The following TTC6 variants were observed in gnomAD, a reference collection of about 807,000 sequenced individuals.
TTC6 encodes the protein tetratricopeptide repeat protein 6.
A neutral mutation model predicts 210.4 loss-of-function variants in TTC6; 172 were observed. The ratio of observed to expected loss-of-function variants is 0.82; its 90% confidence interval spans 0.72 to 0.93. The LOEUF (loss-of-function observed/expected upper bound fraction) is 0.93. TTC6 is among the 40% of genes least tolerant of loss of function. The probability of loss-of-function intolerance (pLI) is 0.00; values close to 1 mark genes in which losing one functional copy is unlikely to be tolerated. For synonymous variants in TTC6, 804 were observed against 819.6 expected (o/e 0.98, Z 0.32); for missense variants, 2,414 against 2,318.1 (o/e 1.04, Z -0.85).
At chr14:37,702,721 C>A (rs1361885207) in intron 5 of TTC6, among the ~76,000 whole-genome samples, 1 of 151,988 alleles carries the variant, frequency 6.6e-6, no homozygotes. Flanking sequence ...TTATTAGTAC[C>A]CATACTTTTC....
chr14:37,614,393 T>C (rs2095639251), intron 2 of TTC6, among the ~76,000 whole-genome samples: 1 of 152,204 alleles, frequency 6.6e-6, no homozygotes, highest in Admixed American at 6.5e-5. Flanking sequence ...CCAGTCTTTT[T>C]GGTTCTGGTT....
chr14:37,705,021 C>G (rs920681409), intron 5 of TTC6, among the ~76,000 whole-genome samples: 1 of 152,022 alleles, frequency 6.6e-6, no homozygotes, highest in Non-Finnish European at 1.5e-5. Flanking sequence ...ACTGATTTGT[C>G]TATCTAAAAC....
intron 7 of TTC6, among the ~76,000 whole-genome samples, chr14:37,726,891 A>G (rs1250319188): frequency 6.6e-6 from 1 of 152,078 alleles, no homozygotes; most frequent in Non-Finnish European, 1.5e-5. Context: ...CAGTTTTAAT[A>G]TTCCTTTCTA....
At chr14:37,732,640 A>G (rs2095890236) in intron 7 of TTC6, among the ~76,000 whole-genome samples, 1 of 151,344 alleles carries the variant, frequency 6.6e-6, no homozygotes, top group Non-Finnish European at 1.5e-5. Context: ...TTTTTTTGAG[A>G]CGGAGTCTTG....
intron 27 of TTC6, among the ~76,000 whole-genome samples, chr14:37,824,792 A>T (rs1311819165): frequency 6.6e-6 from 1 of 152,152 alleles, no homozygotes; most frequent in African/African-American, 2.4e-5. Flanking sequence ...CGTGGCTAGG[A>T]TACAGTGTTC....
intron 29 of TTC6, among the ~76,000 whole-genome samples, chr14:37,829,857 T>C (rs2096180528): frequency 6.6e-6 from 1 of 152,014 alleles, no homozygotes; most frequent in Non-Finnish European, 1.5e-5. Context: ...GTAAGTTTTA[T>C]TATTTCTACA....
chr14:37,612,367 A>T (rs188758616), intron 2 of TTC6, among the ~76,000 whole-genome samples: 1 of 152,174 alleles, frequency 6.6e-6, no homozygotes, highest in East Asian at 1.9e-4. Context: ...TGGCATAATG[A>T]TTTGCCATGA....
At chr14:37,626,883 A>G (rs1278541945) in intron 1 of TTC6, among the ~76,000 whole-genome samples, 17 of 152,064 alleles carry the variant, frequency 1.1e-4, no homozygotes, top group Admixed American at 1.1e-3. Context: ...CTCCCACCCC[A>G]CCACTCAAGG....
At position 37,737,561 on chromosome 14, in the gene TTC6, A is replaced by G. The variant is rs139453518; in HGVS notation, c.1909-99A>G. 2.0e-3 allele frequency: 1,129 copies of G among 572,920 alleles called. 10 individuals carry two copies. In the African/African-American group the frequency reaches 0.02, roughly 10 times the overall value. The allele number at this position is 572,920 out of a possible 1,614,324, so 35.5% of individuals were successfully genotyped here. On this transcript the variant is annotated intron_variant, in intron 8 of 30. Coordinates refer to ENST00000553443, the Ensembl canonical transcript of TTC6. ...ATTTTAATCAGTATTTCTGAATTTCATTAATTTACCTAAACAGTTATTAGC... is the reference window on the plus strand; with the variant it reads ...ATTTTAATCAGTATTTCTGAATTTCGTTAATTTACCTAAACAGTTATTAGC...
At chr14:37,788,719 C>T (rs2096073089) in intron 15 of TTC6, among the ~76,000 whole-genome samples, 1 of 152,142 alleles carries the variant, frequency 6.6e-6, no homozygotes, top group African/African-American at 2.4e-5. Flanking sequence ...CCAGGTCTGT[C>T]CTTCATTCCC....
At position 37,779,748 on chromosome 14, in the gene TTC6, A is replaced by G. The variant is rs149483899; in HGVS notation, c.3267-7720A>G. 3.2e-3 allele frequency among the ~76,000 whole-genome samples: 484 copies of G among 152,284 alleles called. 2 individuals are homozygous for G. The highest frequency in any genetic ancestry group is 0.011 in the African/African-American group (456 of 41,566). ...TTCTGGTTATCTACTTCTTCAATTG[A>G]AGGGACATTACTTGCAGGAAGGGAT... is the stretch of plus-strand genomic sequence containing the variant. On this transcript the variant is annotated intron_variant, in intron 14 of 30. Transcript: ENST00000553443.
At chr14:37,775,375 C>T (rs1022900222) in intron 14 of TTC6, among the ~76,000 whole-genome samples, 3 of 152,134 alleles carry the variant, frequency 2.0e-5, no homozygotes, top group African/African-American at 7.2e-5. Context: ...GTGCTATAAA[C>T]TTTCCTCTTA....
chr14:37,714,169 A>G (rs2095848826), intron 5 of TTC6, among the ~76,000 whole-genome samples: 1 of 152,106 alleles, frequency 6.6e-6, no homozygotes, highest in Non-Finnish European at 1.5e-5. Context: ...ATTCTCATGT[A>G]TATGTAGCTT....
At chr14:37,632,660 G>T (rs1374304668) in intron 1 of TTC6, among the ~76,000 whole-genome samples, 1 of 152,332 alleles carries the variant, frequency 6.6e-6, no homozygotes, top group Non-Finnish European at 1.5e-5. Context: ...TGGGAGATCT[G>T]CTGCTCTCTT....
chr14:37,651,413 ATATATATATATATTTTTTTTTTTTTTTTT>A (rs1480772337), intron 1 of TTC6, among the ~76,000 whole-genome samples: 11 of 22,922 alleles, frequency 4.8e-4, no homozygotes, highest in African/African-American at 1.4e-3. Context: ...ATATATATAT[ATATATATATATATTTTTTTTTTTTTTTTT>A]TTTTTTTTTT....
intron 1 of TTC6, among the ~76,000 whole-genome samples, chr14:37,636,824 A>C (rs942837208): frequency 6.6e-6 from 1 of 152,258 alleles, no homozygotes; most frequent in Non-Finnish European, 1.5e-5. Context: ...AAATTTAATG[A>C]AAAGGCAGAG....
intron 29 of TTC6, among the ~76,000 whole-genome samples, chr14:37,834,695 T>G (rs1383062630): frequency 3.3e-5 from 5 of 152,232 alleles, no homozygotes; most frequent in Non-Finnish European, 7.3e-5. Context: ...CTTTGGGGTC[T>G]GCTACTGTAG....
chr14:37,677,798 C>T (rs2095773643), intron 1 of TTC6, among the ~76,000 whole-genome samples: 1 of 151,986 alleles, frequency 6.6e-6, no homozygotes, highest in Non-Finnish European at 1.5e-5. Flanking sequence ...TTTTCTTCTG[C>T]AATGTCTTTC....
chr14:37,830,512 T>C (rs1244174031), intron 29 of TTC6, among the ~76,000 whole-genome samples: 6 of 151,932 alleles, frequency 3.9e-5, no homozygotes, highest in South Asian at 4.1e-4. Flanking sequence ...TATTTCTTAA[T>C]GTCTGTTTCA....
Sources: allele counts gnomAD v4.1 joint callset (sites outside exome capture counted in the v4.1 genomes callset), GRCh38; gene constraint gnomAD v4.1.1; transcripts MANE v1.5; gene names NCBI Gene and HGNC (gene_info 2026-07-23, HGNC 2026-07-21).